NTNG1: variants seen among roughly 807,000 people sequenced by gnomAD.
NTNG1 encodes netrin G1.
Under a neutral mutation model 54.0 loss-of-function variants are expected in NTNG1, and 16 were observed. The observed-to-expected ratio is 0.30, with a 90% CI of 0.20 to 0.45. NTNG1 has a LOEUF of 0.45. Ranked by LOEUF, NTNG1 falls within the 20% of genes least tolerant of loss-of-function variation. NTNG1 has a pLI of 1.00. For synonymous variants in NTNG1, 255 were observed against 263.1 expected, an observed-to-expected ratio of 0.97 and a Z score of 0.30; for missense variants, 530 against 678.7, an observed-to-expected ratio of 0.78 and a Z score of 2.43.
At chr1:107,209,134 T>A (rs563975930) in intron 2 of NTNG1, among the ~76,000 whole-genome samples, 1 of 152,124 alleles carries the variant, frequency 6.6e-6, no homozygotes, top group East Asian at 1.9e-4. Context: ...TTACCTCGTT[T>A]AACTGCAAAT....
At chr1:107,236,824 T>C (rs1357417792) in intron 2 of NTNG1, among the ~76,000 whole-genome samples, 1 of 152,178 alleles carries the variant, frequency 6.6e-6, no homozygotes, top group African/African-American at 2.4e-5. Context: ...TCTGCCGTAA[T>C]TGTGAGGCCT....
chr1:107,388,399 T>C (rs1426827699), intron 3 of NTNG1, among the ~76,000 whole-genome samples: 3 of 152,228 alleles, frequency 2.0e-5, no homozygotes, highest in Non-Finnish European at 4.4e-5. Context: ...GAATGCCCTC[T>C]GCAGTTGTAA....
chr1:107,334,827 T>C (rs1263650649), intron 3 of NTNG1, among the ~76,000 whole-genome samples: 1 of 151,898 alleles, frequency 6.6e-6, no homozygotes, highest in Non-Finnish European at 1.5e-5. Context: ...AATGAGAGAA[T>C]GATTGCAGAA....
At chr1:107,327,594 G>A (rs1668037430) in intron 3 of NTNG1, among the ~76,000 whole-genome samples, 2 of 152,020 alleles carry the variant, frequency 1.3e-5, no homozygotes, top group Admixed American at 1.3e-4. Flanking sequence ...TGAAGTTCTT[G>A]TTCCTTGCAC....
rs1660365535 is a variant in NTNG1, at chr1:107,221,769, A to G, written c.246+72930A>G. On this transcript the variant is annotated intron_variant, in intron 2 of 7. Coordinates refer to ENST00000370068, the MANE Select transcript of NTNG1 (RefSeq NM_001113226.3). ...GTGAGCTCTGTTCAGTAAAAAAGAGAGTGGGACATTTTTGACCAAAGGAGT... is the reference window on the plus strand; with the variant it reads ...GTGAGCTCTGTTCAGTAAAAAAGAGGGTGGGACATTTTTGACCAAAGGAGT... Among the ~76,000 whole-genome samples the G allele has an allele frequency of 3.3e-5, 5 of 152,212 alleles. No individual in the cohort carries two copies. In the South Asian group the frequency reaches 1.0e-3, roughly 32 times the overall value.
intron 2 of NTNG1, among the ~76,000 whole-genome samples, chr1:107,306,532 C>A (rs1356895262): frequency 6.6e-6 from 1 of 152,152 alleles, no homozygotes; most frequent in East Asian, 1.9e-4. Context: ...AGGCAGATCA[C>A]CTGAGGTCAG....
chr1:107,470,343 A>G (rs1378316880), intron 7 of NTNG1, among the ~76,000 whole-genome samples: 2 of 152,242 alleles, frequency 1.3e-5, no homozygotes, highest in Admixed American at 1.3e-4. Flanking sequence ...AATATCACCA[A>G]AGGACTATAT....
chr1:107,341,904 C>T (rs17463048), intron 3 of NTNG1, among the ~76,000 whole-genome samples: 20,343 of 151,950 alleles, frequency 0.13, 1,646 homozygotes, highest in Non-Finnish European at 0.19. Flanking sequence ...AGAATCACAT[C>T]CAGTTTAGAG....
intron 5 of NTNG1, among the ~76,000 whole-genome samples, chr1:107,427,381 ATAATTAT>A (rs1392139668): frequency 2.0e-5 from 3 of 152,098 alleles, no homozygotes; most frequent in Admixed American, 6.6e-5. Context: ...GAAGAATCAA[ATAATTAT>A]TAAACTATTA....
chr1:107,365,614 T>C (rs1245623948), intron 3 of NTNG1, among the ~76,000 whole-genome samples: 1 of 152,182 alleles, frequency 6.6e-6, no homozygotes, highest in Non-Finnish European at 1.5e-5. Flanking sequence ...TCAGCCATAA[T>C]ACAGAATAGA....
chr1:107,334,525 C>T (rs1216964059), intron 3 of NTNG1, among the ~76,000 whole-genome samples: 1 of 151,552 alleles, frequency 6.6e-6, no homozygotes, highest in Non-Finnish European at 1.5e-5. Flanking sequence ...TGGAAGGAGA[C>T]AGCATCATTA....
intron 2 of NTNG1, among the ~76,000 whole-genome samples, chr1:107,264,822 T>C (rs1438136998): frequency 1.3e-5 from 2 of 152,194 alleles, no homozygotes; most frequent in Non-Finnish European, 2.9e-5. Context: ...TGTACAGCTG[T>C]CCTTGGAAAT....
At chr1:107,188,520 G>A (rs1408204395) in intron 2 of NTNG1, among the ~76,000 whole-genome samples, 1 of 152,154 alleles carries the variant, frequency 6.6e-6, no homozygotes, top group Non-Finnish European at 1.5e-5. Flanking sequence ...AAGTGCACAT[G>A]TAATTAATTT....
chr1:107,349,732 G>T (rs1211155574), intron 3 of NTNG1, among the ~76,000 whole-genome samples: 2 of 152,048 alleles, frequency 1.3e-5, no homozygotes, highest in African/African-American at 4.8e-5. Context: ...GCCTTCTTCT[G>T]AGACTTGCTT....
chr1:107,400,192 A>T (rs900131516), intron 4 of NTNG1, among the ~76,000 whole-genome samples: 6 of 152,098 alleles, frequency 3.9e-5, no homozygotes, highest in Non-Finnish European at 7.4e-5. Context: ...TTCACTCTAT[A>T]TTGAAATTCT....
chr1:107,341,640 A>G (rs1472972755), intron 3 of NTNG1, among the ~76,000 whole-genome samples: 2 of 152,112 alleles, frequency 1.3e-5, no homozygotes, highest in African/African-American at 4.8e-5. Context: ...TCATTGGCTC[A>G]TCCTACAGTC....
chr1:107,346,535 A>C (rs1669249324), intron 3 of NTNG1, among the ~76,000 whole-genome samples: 1 of 152,170 alleles, frequency 6.6e-6, no homozygotes, highest in Non-Finnish European at 1.5e-5. Flanking sequence ...AGGTGCACAC[A>C]CAAATCTGCT....
At chr1:107,312,790 T>G (rs1667092559) in intron 2 of NTNG1, among the ~76,000 whole-genome samples, 1 of 152,152 alleles carries the variant, frequency 6.6e-6, no homozygotes, top group African/African-American at 2.4e-5. Context: ...TACTACTGCT[T>G]GGTAGAAAGA....
At chr1:107,406,324 C>T (rs1466479786) in intron 4 of NTNG1, among the ~76,000 whole-genome samples, 1 of 152,038 alleles carries the variant, frequency 6.6e-6, no homozygotes, top group Non-Finnish European at 1.5e-5. Context: ...ATGATTTTCA[C>T]AGTTACCACC....
Sources: gnomAD v4.1 joint callset for allele counts (sites outside exome capture counted in the v4.1 genomes callset) on GRCh38, gnomAD v4.1.1 for gene constraint, MANE v1.5 for transcripts, NCBI Gene and HGNC (gene_info 2026-07-23, HGNC 2026-07-21) for gene names.